The following CACNA2D3 variants were observed in gnomAD, a reference collection of about 807,000 sequenced individuals.
The protein encoded by CACNA2D3 is calcium voltage-gated channel auxiliary subunit alpha2delta 3.
In CACNA2D3, 60 loss-of-function variants were observed where a neutral mutation model predicts 160.6. That is an observed-to-expected ratio of 0.37 (90% CI 0.30 to 0.46). The LOEUF (loss-of-function observed/expected upper bound fraction) is 0.46, where lower values mean the gene tolerates loss of function less well. Among genes scored for constraint, CACNA2D3 ranks in the 20% least tolerant of loss-of-function variants. CACNA2D3 has a pLI of 1.00. For synonymous variants in CACNA2D3, 558 were observed against 492.9 expected (o/e 1.13, Z -1.75); for missense variants, 1,205 against 1,365.0 (o/e 0.88, Z 1.85).
rs192091224 is a variant in CACNA2D3 at position 54,451,323 on chromosome 3, C to T, written c.382-52169C>T. Among the ~76,000 whole-genome samples, 575 of 130,856 alleles carry T rather than the reference C, an allele frequency of 4.4e-3. 2 individuals are homozygous for T. Among genetic ancestry groups the T allele is most frequent in the Middle Eastern group, 0.017 (3 of 174 alleles). The allele number at this position is 130,856 out of a possible 152,430, so 85.8% of individuals were successfully genotyped here. On this transcript the variant is annotated intron_variant, in intron 4 of 37. Coordinates refer to ENST00000474759, the MANE Select transcript of CACNA2D3 (RefSeq NM_018398.3). ...GGAGTGCAGTGGCGCAATCTTGGCT[C>T]ACTGCAAGCTCTGCCTACCGGGTTC...
chr3:54,201,143 GA>G (rs1471016457), intron 2 of CACNA2D3, among the ~76,000 whole-genome samples: 2 of 152,174 alleles, frequency 1.3e-5, no homozygotes, highest in Admixed American at 6.5e-5. Flanking sequence ...CATAATTTCG[GA>G]ATACTGATTA....
intron 27 of CACNA2D3, among the ~76,000 whole-genome samples, chr3:54,934,565 C>T (rs1701282654): frequency 6.6e-6 from 1 of 152,144 alleles, no homozygotes; most frequent in Admixed American, 6.5e-5. Context: ...GAAATGTATG[C>T]CTCCAGCCTC....
chr3:54,962,614 G>A (rs1031339420), intron 27 of CACNA2D3, among the ~76,000 whole-genome samples: 2 of 152,202 alleles, frequency 1.3e-5, no homozygotes, highest in Non-Finnish European at 2.9e-5. Context: ...AGACAGAGAG[G>A]TAAAGTGACA....
chr3:54,928,604 C>T (rs1401943242), intron 27 of CACNA2D3, among the ~76,000 whole-genome samples: 2 of 152,162 alleles, frequency 1.3e-5, no homozygotes, highest in African/African-American at 2.4e-5. Context: ...CCCTGAAATT[C>T]ATAGCCATGG....
At chr3:54,567,257 C>A (rs983196365) in intron 6 of CACNA2D3, among the ~76,000 whole-genome samples, 2 of 152,176 alleles carry the variant, frequency 1.3e-5, no homozygotes, top group African/African-American at 4.8e-5. Flanking sequence ...ACATTAGAAG[C>A]CAGCATGTAT....
chr3:54,470,730 A>G (rs1021744510), intron 4 of CACNA2D3, among the ~76,000 whole-genome samples: 6 of 152,178 alleles, frequency 3.9e-5, no homozygotes, highest in African/African-American at 1.4e-4. Flanking sequence ...TTACCAAGCA[A>G]ATGGAAAGCA....
At position 54,736,120 on chromosome 3, in the gene CACNA2D3, CAT is replaced by C. The variant is rs111514436; in HGVS notation, c.1168-16470_1168-16469del. On this transcript the variant is annotated intron_variant, in intron 11 of 37. Transcript: ENST00000474759. ...ATATACATATATATGTATATATATA[CAT>C]ATATATATGTATATATATACACACA... Among the ~76,000 whole-genome samples the C allele has an allele frequency of 3.2e-3, 149 of 45,954 alleles. 12 individuals are homozygous for C. Among genetic ancestry groups the C allele is most frequent in the Non-Finnish European group, 5.2e-3 (122 of 23,382 alleles). 30.1% of individuals were successfully genotyped at this position (45,954 alleles called of 152,430 possible). A position where few individuals can be genotyped will look rare whatever the true frequency, so the allele number is the denominator to read the frequency against.
At chr3:54,855,786 T>C (rs1409128984) in intron 17 of CACNA2D3, among the ~76,000 whole-genome samples, 2 of 152,206 alleles carry the variant, frequency 1.3e-5, no homozygotes, top group Non-Finnish European at 2.9e-5. Flanking sequence ...AGAATTGTTA[T>C]CTGTTGCTGG....
At chr3:54,344,208 C>T (rs1049655689) in intron 3 of CACNA2D3, among the ~76,000 whole-genome samples, 8 of 152,184 alleles carry the variant, frequency 5.3e-5, no homozygotes, top group African/African-American at 9.6e-5. Flanking sequence ...TCACCTCTCC[C>T]GTAGGCTCCC....
intron 10 of CACNA2D3, 88 bp from the exon 11 acceptor site, chr3:54,642,040 T>C: frequency 1.3e-6 from 1 of 742,074 alleles, no homozygotes; most frequent in Non-Finnish European, 2.2e-6. Context: ...AAAGGCTTCC[T>C]TAGTCCCAGG....
At chr3:54,658,046 G>A (rs1699905755) in intron 11 of CACNA2D3, among the ~76,000 whole-genome samples, 1 of 152,158 alleles carries the variant, frequency 6.6e-6, no homozygotes, top group Non-Finnish European at 1.5e-5. Context: ...AAATTATATT[G>A]TATGTGTACA....
chr3:54,940,973 T>C (rs1397679498), intron 27 of CACNA2D3, among the ~76,000 whole-genome samples: 1 of 152,218 alleles, frequency 6.6e-6, no homozygotes, highest in African/African-American at 2.4e-5. Flanking sequence ...ATAAGGGAGA[T>C]TATTTCATAG....
At chr3:54,635,978 G>T (rs1481805589) in intron 10 of CACNA2D3, among the ~76,000 whole-genome samples, 1 of 151,930 alleles carries the variant, frequency 6.6e-6, no homozygotes, top group Admixed American at 6.6e-5. Flanking sequence ...TTCCTGACTC[G>T]GGCATGTTAA....
At chr3:54,558,274 C>A (rs762574254) in intron 5 of CACNA2D3, among the ~76,000 whole-genome samples, 1 of 152,134 alleles carries the variant, frequency 6.6e-6, no homozygotes, top group Non-Finnish European at 1.5e-5. Flanking sequence ...GACTTGGCAT[C>A]CAGCAGGGAT....
chr3:54,564,146 T>C (rs1268820074), intron 6 of CACNA2D3, among the ~76,000 whole-genome samples: 4 of 152,150 alleles, frequency 2.6e-5, no homozygotes, highest in Non-Finnish European at 4.4e-5. Context: ...GGGAAGCCCC[T>C]GGGTAGCCAA....
intron 35 of CACNA2D3, among the ~76,000 whole-genome samples, chr3:55,054,027 TA>T (rs1704300936): frequency 6.6e-6 from 1 of 151,474 alleles, no homozygotes. Flanking sequence ...TTTTTCCTGC[TA>T]TTGGCTTATT....
intron 4 of CACNA2D3, among the ~76,000 whole-genome samples, chr3:54,434,225 A>G (rs1700029525): frequency 6.6e-6 from 1 of 152,330 alleles, no homozygotes; most frequent in African/African-American, 2.4e-5. Context: ...GGGGGTAGTC[A>G]GCTTTCTGTT....
chr3:54,161,091 T>C (rs1196682543), intron 2 of CACNA2D3, among the ~76,000 whole-genome samples: 2 of 152,264 alleles, frequency 1.3e-5, no homozygotes, highest in East Asian at 1.9e-4. Flanking sequence ...AAGGGAGCAA[T>C]ATGTTCATGA....
chr3:54,609,418 C>T (rs1334959186), intron 9 of CACNA2D3, among the ~76,000 whole-genome samples: 4 of 152,266 alleles, frequency 2.6e-5, no homozygotes, highest in East Asian at 1.9e-4. Context: ...AGACTCTAAA[C>T]GTGTTTGAAA....
Sources: gnomAD v4.1 joint callset for allele counts (sites outside exome capture counted in the v4.1 genomes callset) on GRCh38, gnomAD v4.1.1 for gene constraint, MANE v1.5 for transcripts, NCBI Gene and HGNC (gene_info 2026-07-23, HGNC 2026-07-21) for gene names.